Variants in ACOXL observed in about 807,000 individuals in gnomAD.
ACOXL encodes the protein acyl-CoA oxidase like, also known as acyl-coenzyme A oxidase-like protein.
A neutral mutation model predicts 71.9 loss-of-function variants in ACOXL; 70 were observed. The ratio of observed to expected loss-of-function variants is 0.97; its 90% CI spans 0.80 to 1.19. The LOEUF is 1.19. Among genes scored for constraint, ACOXL ranks in the 50% most tolerant of loss-of-function variants. ACOXL has a pLI of 0.00. For missense variants in ACOXL, 703 were observed against 736.3 expected (o/e 0.95, Z 0.52); for synonymous variants, 253 against 281.6 (o/e 0.90, Z 1.02).
intron 14 of ACOXL, chr2:111,016,759 T>TG (rs2064461597): frequency 6.6e-6 from 1 of 152,456 alleles, no homozygotes; most frequent in Admixed American, 6.6e-5. Flanking sequence ...ATGGTGGGGG[T>TG]GGTCTGTACC....
chr2:110,751,021 G>C (rs1678869832), intron 1 of ACOXL, among the ~76,000 whole-genome samples: 1 of 151,854 alleles, frequency 6.6e-6, no homozygotes, highest in African/African-American at 2.4e-5. Flanking sequence ...ACATGCGGCT[G>C]GGCGCGGTGG....
intron 2 of ACOXL, among the ~76,000 whole-genome samples, chr2:110,771,031 G>A (rs1429412119): frequency 2.6e-5 from 4 of 152,182 alleles, no homozygotes; most frequent in African/African-American, 7.2e-5. Flanking sequence ...TCTCTGTCCT[G>A]GGTGATTAGA....
intron 16 of ACOXL, among the ~76,000 whole-genome samples, chr2:111,084,258 T>TACACACACACAC (rs61263209): frequency 2.2e-5 from 3 of 134,924 alleles, no homozygotes; most frequent in East Asian, 2.3e-4. Flanking sequence ...ATCTAAGGAA[T>TACACACACACAC]ACACACACAC....
At chr2:111,049,408 G>T in intron 16 of ACOXL, 120 bp downstream of exon 16, 1 of 779,842 alleles carries the variant, frequency 1.3e-6, no homozygotes, top group South Asian at 1.7e-5. Flanking sequence ...GTGCTCCAGG[G>T]GGATAAGCTT....
chr2:110,852,659 G>T (rs1692762540), intron 10 of ACOXL, among the ~76,000 whole-genome samples: 1 of 152,226 alleles, frequency 6.6e-6, no homozygotes, highest in African/African-American at 2.4e-5. Flanking sequence ...GCCTGTAGGG[G>T]TGCTGGGACA....
intron 12 of ACOXL, among the ~76,000 whole-genome samples, chr2:110,947,543 T>G (rs2061153798): frequency 6.6e-6 from 1 of 152,214 alleles, no homozygotes; most frequent in African/African-American, 2.4e-5. Context: ...TAAAACTTGA[T>G]TCTCTTTCCT....
At chr2:110,880,405 A>G (rs1429944573) in intron 10 of ACOXL, among the ~76,000 whole-genome samples, 1 of 152,144 alleles carries the variant, frequency 6.6e-6, no homozygotes, top group East Asian at 1.9e-4. Flanking sequence ...TGTCTTAGAA[A>G]TCTTTCAATA....
chr2:110,885,865 C>G (rs1444377539), intron 10 of ACOXL, among the ~76,000 whole-genome samples: 2 of 152,038 alleles, frequency 1.3e-5, no homozygotes, highest in African/African-American at 4.8e-5. Flanking sequence ...GCTGTTACAC[C>G]CTTGCAAATG....
At chr2:111,028,862 T>C (rs1379830179) in intron 14 of ACOXL, among the ~76,000 whole-genome samples, 3 of 152,172 alleles carry the variant, frequency 2.0e-5, no homozygotes, top group Non-Finnish European at 4.4e-5. Flanking sequence ...TCATCCATCT[T>C]TATAAACAGC....
chr2:111,072,103 G>A (rs1031690950), intron 16 of ACOXL, among the ~76,000 whole-genome samples: 1 of 152,160 alleles, frequency 6.6e-6, no homozygotes, highest in South Asian at 2.1e-4. Context: ...GAATGCAGCC[G>A]TTTCAGCCTG....
intron 12 of ACOXL, among the ~76,000 whole-genome samples, chr2:110,939,188 A>T (rs1050034232): frequency 2.6e-5 from 4 of 152,242 alleles, no homozygotes; most frequent in Non-Finnish European, 4.4e-5. Context: ...GCCTAAAATG[A>T]GCATCATCTG....
chr2:110,763,100 T>C (rs1297936868), intron 1 of ACOXL, among the ~76,000 whole-genome samples: 7 of 152,360 alleles, frequency 4.6e-5, no homozygotes, highest in Admixed American at 4.6e-4. Flanking sequence ...TCTATGTTCA[T>C]GGAGAGGAAA....
At chr2:110,892,505 G>A (rs1275980055) in intron 10 of ACOXL, among the ~76,000 whole-genome samples, 1 of 152,042 alleles carries the variant, frequency 6.6e-6, no homozygotes, top group Non-Finnish European at 1.5e-5. Context: ...TCAACCACTG[G>A]GTCACCAGAA....
At chr2:111,029,917 G>A (rs1013842994) in intron 14 of ACOXL, among the ~76,000 whole-genome samples, 1 of 152,046 alleles carries the variant, frequency 6.6e-6, no homozygotes, top group African/African-American at 2.4e-5. Flanking sequence ...TTTGCACAGG[G>A]CTTTCTGCAA....
intron 3 of ACOXL, among the ~76,000 whole-genome samples, chr2:110,785,370 TTGTGTGTG>T (rs34917698): frequency 6.9e-6 from 1 of 145,586 alleles, no homozygotes; most frequent in Non-Finnish European, 1.5e-5. Context: ...ATGCACTCAG[TTGTGTGTG>T]TGTGTGTGTG....
At chr2:111,079,907 T>A (rs2067813257) in intron 16 of ACOXL, among the ~76,000 whole-genome samples, 1 of 151,318 alleles carries the variant, frequency 6.6e-6, no homozygotes, top group Non-Finnish European at 1.5e-5. Context: ...TCTGAAAGAA[T>A]TAATTCCATT....
chr2:110,882,262 A>G (rs546302661), intron 10 of ACOXL, among the ~76,000 whole-genome samples: 1 of 152,234 alleles, frequency 6.6e-6, no homozygotes, highest in East Asian at 1.9e-4. Flanking sequence ...TTTGCTATCC[A>G]TTTATTTTCT....
intron 12 of ACOXL, among the ~76,000 whole-genome samples, chr2:110,965,571 C>T (rs552379836): frequency 3.4e-4 from 51 of 152,200 alleles, no homozygotes; most frequent in African/African-American, 1.2e-3. Context: ...GCAAAGATAT[C>T]GCTAGGTGAT....
intron 17 of ACOXL, among the ~76,000 whole-genome samples, chr2:111,109,034 C>G (rs570785768): frequency 4.6e-5 from 7 of 152,312 alleles, no homozygotes; most frequent in African/African-American, 1.2e-4. Context: ...GCTCATCTCT[C>G]TAGAACTCAC....
Sources: gnomAD v4.1 joint callset for allele counts (sites outside exome capture counted in the v4.1 genomes callset) on GRCh38, gnomAD v4.1.1 for gene constraint, MANE v1.5 for transcripts, NCBI Gene and HGNC (gene_info 2026-07-23, HGNC 2026-07-21) for gene names.